ZNF329: variants seen among roughly 807,000 people sequenced by gnomAD.
ZNF329 encodes zinc finger protein 329.
ZNF329 carries 15 observed loss-of-function variants against 26.6 expected under a neutral mutation model. That is an observed-to-expected ratio of 0.56 (90% CI 0.38 to 0.87). ZNF329 has a LOEUF of 0.87. Among genes scored for constraint, ZNF329 ranks in the 40% least tolerant of loss-of-function variants. The pLI, the probability that ZNF329 is intolerant of heterozygous loss-of-function variation, is 0.00. For synonymous variants in ZNF329, 239 were observed against 233.5 expected, an observed-to-expected ratio of 1.02 and a Z score of -0.21; for missense variants, 651 against 651.9, an observed-to-expected ratio of 1.00 and a Z score of 0.02.
intron 3 of ZNF329, among the ~76,000 whole-genome samples, chr19:58,129,952 C>A (rs1449579276): frequency 6.6e-6 from 1 of 152,222 alleles, no homozygotes; most frequent in Non-Finnish European, 1.5e-5. Flanking sequence ...GCTCTGTCAT[C>A]AAAGTTCTGC....
chr19:58,154,248 A>G (rs1375286078), upstream of ZNF329, among the ~76,000 whole-genome samples: 1 of 152,058 alleles, frequency 6.6e-6, no homozygotes, highest in South Asian at 2.1e-4. Flanking sequence ...AGCTCAGGCA[A>G]TCCGCCCGCT....
chr19:58,137,487 G>C lies in ZNF329; in HGVS notation c.-9+5070C>G, dbSNP rs992588143. Among the ~76,000 whole-genome samples the C allele has an allele frequency of 2.0e-5, 3 of 152,172 alleles. No individual in the cohort carries two copies. The East Asian group carries it at 5.8e-4, about 29-fold the overall frequency. ...GAGAATCACTTGAACCCAGGAAGCG[G>C]AGGTTGCAGTGAGCCGAGATCGTGC... On this transcript the variant is annotated intron_variant, in intron 3 of 3. Transcript: ENST00000598312.
chr19:58,134,917 C>T (rs1019875069), intron 3 of ZNF329, among the ~76,000 whole-genome samples: 1 of 152,028 alleles, frequency 6.6e-6, no homozygotes, highest in African/African-American at 2.4e-5. Context: ...GCCTGGGCAA[C>T]AGAGCAAAAC....
upstream of ZNF329, among the ~76,000 whole-genome samples, chr19:58,152,384 G>A (rs2075471345): frequency 6.7e-6 from 1 of 149,818 alleles, no homozygotes; most frequent in Non-Finnish European, 1.5e-5. Flanking sequence ...AAAATTGGCT[G>A]GGCACAGTGG....
At chr19:58,140,038 T>C (rs1158484932) in intron 3 of ZNF329, among the ~76,000 whole-genome samples, 1 of 152,184 alleles carries the variant, frequency 6.6e-6, no homozygotes, top group Non-Finnish European at 1.5e-5. Flanking sequence ...ACGGTTTGGA[T>C]ATGGTTTGTC....
Position 58,128,317 on chromosome 19 carries a change from T to C in ZNF329, c.1187A>G (p.Glu396Gly). The C allele has an allele frequency of 6.2e-7, 1 of 1,614,038 alleles. No homozygotes were observed. The highest frequency in any genetic ancestry group is 8.5e-7 in the Non-Finnish European group (1 of 1,179,962). The change falls in exon 4 of 4, where the codon GAG becomes GGG. Residue 396 changes from glutamate (E) to glycine (G), a missense_variant. Coordinates refer to ENST00000598312, the MANE Select transcript of ZNF329 (RefSeq NM_024620.4). ...LIVHQKIHSG[E>G]KPYECKECGK... is the part of the protein sequence containing the mutation. Reference sequence around the variant, plus strand: ...ACATTCTTTACATTCATAGGGTTTCTCCCCAGAATGGATCTTTTGATGCAC... The same window carrying C: ...ACATTCTTTACATTCATAGGGTTTCCCCCCAGAATGGATCTTTTGATGCAC...
chr19:58,127,992 G>A lies in ZNF329; in HGVS notation c.1512C>T (p.Leu504=), dbSNP rs774799394. The change falls in exon 4 of 4, where the codon CTC becomes CTT. Residue 504 remains leucine (L), a synonymous_variant. Transcript: ENST00000598312. ...ACCGGCTGGGACCCTCCCTGCTATG[G>A]AGTCTCTGATGTACTGCCAGGTGAG... The part of the protein sequence containing the change: ...QNSHLAVHQR[L]HSREGPSRCP... 8 of 1,614,066 alleles carry A rather than the reference G, an allele frequency of 5.0e-6. No homozygotes were observed. In the Admixed American group the frequency reaches 1.3e-4, roughly 27 times the overall value.
rs919818438 is a variant in ZNF329 at position 58,127,824 on chromosome 19, C to T, written c.*54G>A. The T allele has an allele frequency of 3.4e-6, 5 of 1,480,186 alleles. No homozygotes were observed. Among genetic ancestry groups the T allele is most frequent in the African/African-American group, 1.4e-5 (1 of 71,054 alleles). 91.7% of individuals were successfully genotyped at this position (1,480,186 alleles called of 1,614,324 possible). On this transcript the variant is annotated 3_prime_UTR_variant, in exon 4 of 4. Transcript: ENST00000598312. ...AGAGAGGAGTCAGATCTAAGACACG[C>T]CTCCTAAACACAGGAGTGAGAGTGA...
At chr19:58,132,646 C>T (rs1229197034) in intron 3 of ZNF329, 10 of 148,648 alleles carry the variant, frequency 6.7e-5, no homozygotes, top group Admixed American at 6.1e-4. Context: ...TACCATTGCA[C>T]TCCAGCCTGG....
chr19:58,126,975 A>C lies in ZNF329; in HGVS notation c.*903T>G, dbSNP rs2146041584. 1 of 152,258 alleles carries C rather than the reference A, an allele frequency of 6.6e-6. No individual in the cohort carries two copies. Among genetic ancestry groups the C allele is most frequent in the Admixed American group, 6.5e-5 (1 of 15,286 alleles). 9.4% of individuals were successfully genotyped at this position (152,258 alleles called of 1,614,324 possible). On this transcript the variant is annotated 3_prime_UTR_variant, in exon 4 of 4. Coordinates refer to ENST00000598312, the MANE Select transcript of ZNF329 (RefSeq NM_024620.4). ...GCCTGCTTGTTTCAGTCTTAAGAGG[A>C]ACGACTTCATTGTTCATTCACAGGT...
At chr19:58,144,995 G>T (rs965281250) in intron 1 of ZNF329, among the ~76,000 whole-genome samples, 2 of 151,510 alleles carry the variant, frequency 1.3e-5, no homozygotes, top group African/African-American at 4.9e-5. Context: ...GACTTCAGGT[G>T]CCTGCCACCA....
chr19:58,145,841 A>G (rs1227016922), intron 1 of ZNF329, among the ~76,000 whole-genome samples: 2 of 152,078 alleles, frequency 1.3e-5, no homozygotes, highest in African/African-American at 4.8e-5. Context: ...CCAGCCTCAC[A>G]TGCTTCCTGA....
Position 58,129,458 on chromosome 19 carries a change from G to A in ZNF329, c.46C>T (p.Pro16Ser), listed in dbSNP as rs2146058998. ...TTRNFPEREV[P>S]CDVEVERFTR... Reference sequence around the variant, plus strand: ...AATCTTTCCACTTCTACATCACAGGGTACTTCTCTCTCAGGAAAATTCCGA... The same window carrying A: ...AATCTTTCCACTTCTACATCACAGGATACTTCTCTCTCAGGAAAATTCCGA... Residue 16 changes from proline (P) to serine (S), a missense_variant, in exon 4 of 4, where the codon CCC (proline) becomes TCC (serine). Coordinates refer to ENST00000598312, the MANE Select transcript of ZNF329 (RefSeq NM_024620.4). 1 of 1,603,476 alleles carries A rather than the reference G, an allele frequency of 6.2e-7. No individual in the cohort carries two copies. The highest frequency in any genetic ancestry group is 2.2e-5 in the East Asian group (1 of 44,786).
At chr19:58,131,290 A>G (rs1001484830) in intron 3 of ZNF329, among the ~76,000 whole-genome samples, 3 of 152,160 alleles carry the variant, frequency 2.0e-5, no homozygotes, top group African/African-American at 7.2e-5. Context: ...CATGCCTGTA[A>G]TCCCAGCACT....
Position 58,129,250 on chromosome 19 carries a change from ACT to A in ZNF329, c.252_253del (p.Arg84SerfsTer11). 1 of 1,614,126 alleles carries A rather than the reference ACT, an allele frequency of 6.2e-7. No homozygotes were observed. Among genetic ancestry groups the A allele is most frequent in the Non-Finnish European group, 8.5e-7 (1 of 1,180,042 alleles). ...TGCATGGAAACCATTTGTTGCCAGA[ACT>A]CTCTGAGACGGTGGAAGGTCTGAGC... On this transcript the variant is annotated frameshift_variant, in exon 4 of 4. Transcript: ENST00000598312. LOFTEE classifies it high-confidence loss of function.
At chr19:58,136,354 T>C (rs2146086613) in intron 3 of ZNF329, among the ~76,000 whole-genome samples, 1 of 151,962 alleles carries the variant, frequency 6.6e-6, no homozygotes. Flanking sequence ...AGATTGAAAA[T>C]GCTGGTCTTT....
chr19:58,128,447 G>A lies in ZNF329; in HGVS notation c.1057C>T (p.Arg353Trp), dbSNP rs755020594. 30 of 1,612,256 alleles carry A rather than the reference G, an allele frequency of 1.9e-5. No individual in the cohort carries two copies. Among genetic ancestry groups the A allele is most frequent in the African/African-American group, 2.7e-5 (2 of 74,562 alleles). Residue 353 changes from arginine to tryptophan, a missense_variant, in exon 4 of 4, where the codon CGG becomes TGG. By Grantham distance (101) the Arg-to-Trp change is moderately radical. Transcript: ENST00000598312. ...TGCTGGGTGAGGTACGAGCCGTCCCGGAAAGCCTTTCCACATTTGCTACAC... is the reference window on the plus strand; with the variant it reads ...TGCTGGGTGAGGTACGAGCCGTCCCAGAAAGCCTTTCCACATTTGCTACAC... ...YECSKCGKAF[R>W]DGSYLTQHER... is the part of the protein sequence containing the mutation.
At position 58,129,205 on chromosome 19, in the gene ZNF329, C is replaced by T; in HGVS notation, c.299G>A (p.Gly100Asp). The change falls in exon 4 of 4, where the codon GGT becomes GAT. Residue 100 changes from glycine (G) to aspartate (D), a missense_variant. Gly to Asp is a moderately conservative substitution (Grantham distance 94, BLOSUM62 -1). Coordinates refer to ENST00000598312, the MANE Select transcript of ZNF329 (RefSeq NM_024620.4). ...GGGTAAGGCGGGGTCACAATCCAGA[C>T]CACTAACATTTGAGTCAGGTGCATG... ...GFHAPDSNVS[G>D]LDCDPALPSY... is the part of the protein sequence containing the mutation. 2 of 1,614,196 alleles carry T rather than the reference C, an allele frequency of 1.2e-6. No individual in the cohort carries two copies. The highest frequency in any genetic ancestry group is 1.7e-6 in the Non-Finnish European group (2 of 1,180,044).
intron 1 of ZNF329, among the ~76,000 whole-genome samples, chr19:58,145,300 TTTC>T (rs1418046922): frequency 2.0e-5 from 3 of 148,034 alleles, no homozygotes; most frequent in Non-Finnish European, 4.5e-5. Flanking sequence ...CCAAAAAAAA[TTTC>T]TTTTTTCTTC....
Sources: allele counts gnomAD v4.1 joint callset (sites outside exome capture counted in the v4.1 genomes callset), GRCh38; gene constraint gnomAD v4.1.1; transcripts MANE v1.5; gene names NCBI Gene and HGNC (gene_info 2026-07-23, HGNC 2026-07-21).